Variants in ABAT observed in about 807,000 individuals in gnomAD.
ABAT encodes 4-aminobutyrate aminotransferase.
ABAT carries 45 observed loss-of-function variants against 64.6 expected under a neutral mutation model. The ratio of observed to expected loss-of-function variants is 0.70; its 90% confidence interval spans 0.55 to 0.89. The LOEUF (loss-of-function observed/expected upper bound fraction) is 0.89. ABAT is among the 40% of genes least tolerant of loss of function. The probability of loss-of-function intolerance (pLI) is 0.00; values close to 1 mark genes in which losing one functional copy is unlikely to be tolerated. For synonymous variants in ABAT, 297 were observed against 250.5 expected, an observed-to-expected ratio of 1.19 and a Z score of -1.75; for missense variants, 633 against 658.4, an observed-to-expected ratio of 0.96 and a Z score of 0.42.
intron 5 of ABAT, among the ~76,000 whole-genome samples, chr16:8,755,724 A>G (rs780076760): frequency 6.6e-6 from 1 of 151,538 alleles, no homozygotes; most frequent in Non-Finnish European, 1.5e-5. Context: ...GAGCCTCGCC[A>G]ACATGGCAAA....
At chr16:8,752,493 G>A (rs928086477) in intron 5 of ABAT, among the ~76,000 whole-genome samples, 14 of 152,204 alleles carry the variant, frequency 9.2e-5, no homozygotes, top group Admixed American at 9.2e-4. Context: ...GCACGGTGGA[G>A]CACGCTGATA....
chr16:8,778,293 C>T (rs973399969), intron 14 of ABAT, among the ~76,000 whole-genome samples: 2 of 152,158 alleles, frequency 1.3e-5, no homozygotes, highest in Non-Finnish European at 2.9e-5. Context: ...ATCAAGGTTT[C>T]AGCAGAGTTG....
At chr16:8,742,022 C>T (rs1362100721) in intron 2 of ABAT, among the ~76,000 whole-genome samples, 2 of 152,190 alleles carry the variant, frequency 1.3e-5, no homozygotes, top group South Asian at 2.1e-4. Context: ...TTTCTGATAG[C>T]GCAGTTGCAA....
At chr16:8,682,818 T>A (rs1730945) in intron 1 of ABAT, among the ~76,000 whole-genome samples, 88,537 of 152,064 alleles carry the variant, frequency 0.58, 26,172 homozygotes, top group East Asian at 0.77. Context: ...GCATTGCATC[T>A]TCTAGGAGCT....
chr16:8,728,435 C>T (rs542296448), intron 1 of ABAT, among the ~76,000 whole-genome samples: 13 of 152,212 alleles, frequency 8.5e-5, no homozygotes, highest in Admixed American at 5.9e-4. Flanking sequence ...AATTGTGTGA[C>T]GCCTCAGTGC....
intron 1 of ABAT, among the ~76,000 whole-genome samples, chr16:8,727,804 C>T (rs964597655): frequency 2.0e-5 from 3 of 152,208 alleles, no homozygotes; most frequent in African/African-American, 7.2e-5. Context: ...AGCGGTGGCT[C>T]ATGCCTGTAA....
At chr16:8,751,540 T>G (rs566371756) in intron 5 of ABAT, among the ~76,000 whole-genome samples, 38 of 152,298 alleles carry the variant, frequency 2.5e-4, no homozygotes, top group African/African-American at 8.9e-4. Context: ...CGGGCTCTGG[T>G]GCATACACCA....
chr16:8,705,476 C>T (rs1640971), intron 1 of ABAT: 35,667 of 151,950 alleles, frequency 0.23, 5,093 homozygotes, highest in African/African-American at 0.39. Context: ...CAGTCTTTAC[C>T]GGAAAGCCTG....
chr16:8,771,724 C>CT (rs1426557737), intron 11 of ABAT, among the ~76,000 whole-genome samples: 2 of 152,060 alleles, frequency 1.3e-5, no homozygotes, highest in Non-Finnish European at 2.9e-5. Context: ...TCGCCTTAGC[C>CT]TCCCAAAGTG....
chr16:8,686,164 G>A (rs2057451253), intron 1 of ABAT, among the ~76,000 whole-genome samples: 1 of 152,244 alleles, frequency 6.6e-6, no homozygotes, highest in South Asian at 2.1e-4. Context: ...TCTCTGCCCA[G>A]AGCTGTAAAT....
At chr16:8,704,717 C>T (rs2057900705) in intron 1 of ABAT, among the ~76,000 whole-genome samples, 1 of 152,138 alleles carries the variant, frequency 6.6e-6, no homozygotes, top group Non-Finnish European at 1.5e-5. Context: ...TAAAAAATCA[C>T]TTCCCTGTCT....
intron 2 of ABAT, 101 bp from the exon 3 acceptor site, chr16:8,745,900 C>A (rs2059313869): frequency 1.7e-6 from 2 of 1,149,814 alleles, no homozygotes; most frequent in Non-Finnish European, 2.6e-6. Flanking sequence ...AGGCTAAGGT[C>A]CTGGCACTAC....
intron 2 of ABAT, among the ~76,000 whole-genome samples, chr16:8,738,014 A>AAGAAAGAAAGAAAGAAAGAAAGAG (rs1555488686): frequency 1.1e-5 from 1 of 94,362 alleles, no homozygotes; most frequent in Non-Finnish European, 2.1e-5. Context: ...GAAAGAAAGA[A>AAGAAAGAAAGAAAGAAAGAAAGAG]AGGAAAGAAA....
intron 10 of ABAT, 96 bp from the exon 11 acceptor site, chr16:8,768,729 C>A: frequency 1.3e-6 from 2 of 1,562,040 alleles, no homozygotes; most frequent in South Asian, 1.1e-5. Context: ...TGCCCACTGA[C>A]AGCCTTGCGC....
chr16:8,729,360 A>G (rs770021612), intron 1 of ABAT, among the ~76,000 whole-genome samples: 1 of 152,162 alleles, frequency 6.6e-6, no homozygotes, highest in Non-Finnish European at 1.5e-5. Flanking sequence ...TGATGTTACA[A>G]TGCATAGAGG....
In ABAT at chr16:8,743,422, G is replaced by C. The variant is rs966452684; in HGVS notation, c.71-2579G>C. Among the ~76,000 whole-genome samples the C allele has an allele frequency of 1.4e-4, 3 of 20,972 alleles. No individual in the cohort carries two copies. The South Asian group carries it at 6.1e-3, about 43-fold the overall frequency. The allele number at this position is 20,972 out of a possible 152,430, so 13.8% of individuals were successfully genotyped here. On this transcript the variant is annotated intron_variant, in intron 2 of 15. Transcript: ENST00000268251. ...AGTCCCCTCTTGTGTAATGGAAACA[G>C]TTATATATATATATATATATATACA...
At position 8,764,012 on chromosome 16, in the gene ABAT, G is replaced by C; in HGVS notation, c.367-57G>C. On this transcript the variant is annotated intron_variant, in intron 6 of 15. Transcript: ENST00000268251. The surrounding 1 kb of genome is among the most constrained non-coding windows in gnomAD (Gnocchi z 4.2). ...GGGGCTATGAAAAGCACCATTTGTG[G>C]GCAGGGAGCTGGGTCAGGCCCCCAG... is the stretch of plus-strand genomic sequence containing the variant. 1.4e-6 allele frequency: 2 copies of C among 1,436,966 alleles called. No homozygotes were observed. The highest frequency in any genetic ancestry group is 2.0e-6 in the Non-Finnish European group (2 of 1,018,658). 89.0% of individuals were successfully genotyped at this position (1,436,966 alleles called of 1,614,324 possible).
intron 1 of ABAT, among the ~76,000 whole-genome samples, chr16:8,706,244 T>C (rs1287974359): frequency 1.4e-5 from 2 of 148,018 alleles, no homozygotes; most frequent in Non-Finnish European, 3.0e-5. Flanking sequence ...AAAAAATATA[T>C]ATATATATAC....
In ABAT at chr16:8,742,366, A is replaced by G. The variant is rs369401260; in HGVS notation, c.71-3635A>G. 6.6e-5 allele frequency among the ~76,000 whole-genome samples: 10 copies of G among 152,312 alleles called. No individual in the cohort carries two copies. In the South Asian group the frequency reaches 1.2e-3, roughly 19 times the overall value. ...TGCAATGTCAAGACACTTTCTGGAG[A>G]AAAGAAAGGAGGACGCGTGTGTCCT... is the stretch of plus-strand genomic sequence containing the variant. On this transcript the variant is annotated intron_variant, in intron 2 of 15. Transcript: ENST00000268251.
Sources: gnomAD v4.1 joint callset for allele counts (sites outside exome capture counted in the v4.1 genomes callset) on GRCh38, gnomAD v4.1.1 for gene constraint, Gnocchi (gnomAD v3.1) non-coding constraint, MANE v1.5 for transcripts, NCBI Gene and HGNC (gene_info 2026-07-23, HGNC 2026-07-21) for gene names.